The following TMIGD3 variants were observed in gnomAD, a reference collection of about 807,000 sequenced individuals.
TMIGD3 encodes the protein transmembrane and immunoglobulin domain containing 3.
TMIGD3 carries 21 observed loss-of-function variants against 28.1 expected under a neutral mutation model. The observed-to-expected ratio is 0.75, with a 90% CI of 0.53 to 1.08. TMIGD3 has a LOEUF of 1.08. TMIGD3 is among the 50% of genes least tolerant of loss of function. TMIGD3 has a pLI of 0.00. For synonymous variants in TMIGD3, 151 were observed against 162.1 expected (o/e 0.93, Z 0.52); for missense variants, 416 against 435.6 (o/e 0.96, Z 0.40).
intron 1 of TMIGD3, among the ~76,000 whole-genome samples, chr1:111,502,054 A>ATAAATATATAGGATATATATAT (rs1655210139): frequency 7.1e-6 from 1 of 140,360 alleles, no homozygotes; most frequent in African/African-American, 2.6e-5. Context: ...ATTTAATATA[A>ATAAATATATAGGATATATATAT]TAAATATATA....
At chr1:111,490,927 C>T (rs889871316) in intron 1 of TMIGD3, among the ~76,000 whole-genome samples, 165 bp from the exon 2 acceptor site, 2 of 152,204 alleles carry the variant, frequency 1.3e-5, no homozygotes, top group Admixed American at 6.5e-5. Context: ...AACTTACTGA[C>T]GGGGCAACCA....
intron 1 of TMIGD3, among the ~76,000 whole-genome samples, chr1:111,555,023 A>G (rs1657424139): frequency 6.6e-6 from 1 of 152,130 alleles, no homozygotes; most frequent in Non-Finnish European, 1.5e-5. Flanking sequence ...CACATTTAAA[A>G]GTAAGAGAAC....
intron 2 of TMIGD3, chr1:111,490,425 G>A (rs528927848): frequency 1.8e-6 from 1 of 549,646 alleles, no homozygotes; most frequent in Non-Finnish European, 3.2e-6. Flanking sequence ...AGTGAGTGCA[G>A]AGTCATCATT....
chr1:111,524,755 G>A (rs1036920628), intron 1 of TMIGD3, among the ~76,000 whole-genome samples: 4 of 152,098 alleles, frequency 2.6e-5, no homozygotes, highest in Non-Finnish European at 5.9e-5. Context: ...GAGTAGCTGG[G>A]ATTACAGGTG....
upstream of TMIGD3, among the ~76,000 whole-genome samples, chr1:111,506,265 T>C (rs944796213): frequency 2.6e-5 from 4 of 152,224 alleles, no homozygotes; most frequent in African/African-American, 9.7e-5. Flanking sequence ...GCTCAGTACA[T>C]TTTTGATGAA....
intron 1 of TMIGD3, among the ~76,000 whole-genome samples, chr1:111,550,470 T>C (rs552167041): frequency 6.6e-6 from 1 of 152,230 alleles, no homozygotes; most frequent in Non-Finnish European, 1.5e-5. Context: ...TTCAACTAAC[T>C]GTAAATTTCC....
chr1:111,547,760 G>A (rs1657088664), intron 1 of TMIGD3, among the ~76,000 whole-genome samples: 1 of 152,180 alleles, frequency 6.6e-6, no homozygotes, highest in Non-Finnish European at 1.5e-5. Flanking sequence ...TCACAAAATT[G>A]ACCTTGTTTG....
intron 1 of TMIGD3, among the ~76,000 whole-genome samples, chr1:111,543,134 A>G (rs1656905474): frequency 6.6e-6 from 1 of 152,194 alleles, no homozygotes; most frequent in South Asian, 2.1e-4. Context: ...ACACAGAGAG[A>G]CACACACACA....
At chr1:111,525,397 G>T (rs564386824) in intron 1 of TMIGD3, among the ~76,000 whole-genome samples, 1 of 152,210 alleles carries the variant, frequency 6.6e-6, no homozygotes, top group East Asian at 1.9e-4. Flanking sequence ...TTGATGAATT[G>T]TCCTTTTTAT....
intron 1 of TMIGD3, among the ~76,000 whole-genome samples, chr1:111,496,884 C>G (rs1481267886): frequency 6.6e-6 from 1 of 152,126 alleles, no homozygotes; most frequent in African/African-American, 2.4e-5. Context: ...CTACTTTTTT[C>G]CCCAGTTGTC....
chr1:111,532,003 A>G (rs184786522), intron 1 of TMIGD3, among the ~76,000 whole-genome samples: 1 of 152,358 alleles, frequency 6.6e-6, no homozygotes, highest in African/African-American at 2.4e-5. Context: ...AATTTGTCCT[A>G]CCACTGAGAC....
rs187360373 is a variant in TMIGD3 at position 111,514,665 on chromosome 1, C to T, written c.108-23903G>A. On this transcript the variant is annotated intron_variant, in intron 1 of 5. Coordinates refer to the TMIGD3 transcript ENST00000369717. ...GGGAACACACACACACACACACACACACATCATACCATGCTGCCTCCCTTA... is the reference window on the plus strand; with the variant it reads ...GGGAACACACACACACACACACACATACATCATACCATGCTGCCTCCCTTA... Among the ~76,000 whole-genome samples, 565 of 151,860 alleles carry T rather than the reference C, an allele frequency of 3.7e-3. 5 individuals carry two copies. The highest frequency in any genetic ancestry group is 4.2e-3 in the Non-Finnish European group (282 of 67,910).
chr1:111,518,416 G>A (rs1227345521), intron 1 of TMIGD3, among the ~76,000 whole-genome samples: 5 of 152,222 alleles, frequency 3.3e-5, no homozygotes, highest in Non-Finnish European at 5.9e-5. Flanking sequence ...ACTGTAGGAT[G>A]TTTAGCAGTA....
intron 1 of TMIGD3, among the ~76,000 whole-genome samples, chr1:111,531,339 A>G (rs1656453909): frequency 6.6e-6 from 1 of 151,724 alleles, no homozygotes; most frequent in African/African-American, 2.4e-5. Flanking sequence ...ATTTGGTATC[A>G]TTTGTATTGC....
Position 111,488,798 on chromosome 1 carries a change from C to G in TMIGD3, c.684G>C (p.Glu228Asp). The G allele has an allele frequency of 6.2e-7, 1 of 1,614,184 alleles. No individual in the cohort carries two copies. The highest frequency in any genetic ancestry group is 8.5e-7 in the Non-Finnish European group (1 of 1,180,026). The stretch of plus-strand genomic sequence containing the variant: ...TGCCACACCAGTACCAGCCCGTGTC[C>G]TCTTTGGTCAGGCAGGACATAGTGA... ...LIVTMSCLTKEDTGWYWCGIQ... is the reference protein window; with the variant it reads ...LIVTMSCLTKDDTGWYWCGIQ... The change falls in exon 3 of 6, where the codon GAG becomes GAC. Residue 228 changes from glutamate (E) to aspartate (D), a missense_variant. Transcript: ENST00000369716.
chr1:111,515,051 C>T (rs898893241), intron 1 of TMIGD3, among the ~76,000 whole-genome samples: 1 of 152,216 alleles, frequency 6.6e-6, no homozygotes, highest in Non-Finnish European at 1.5e-5. Context: ...CCTGGAACCC[C>T]ACATTGAATC....
intron 4 of TMIGD3, 83 bp downstream of exon 4, chr1:111,486,503 T>G: frequency 9.8e-7 from 1 of 1,018,568 alleles, no homozygotes; most frequent in South Asian, 1.3e-5. Flanking sequence ...GCAAATCAAC[T>G]GTCATATCAT....
chr1:111,508,193 C>T (rs1655576533), upstream of TMIGD3, among the ~76,000 whole-genome samples: 1 of 152,222 alleles, frequency 6.6e-6, no homozygotes, highest in Non-Finnish European at 1.5e-5. Flanking sequence ...CCACCAGACC[C>T]CCCCACCCAC....
Position 111,486,653 on chromosome 1 carries a change from C to T in TMIGD3, c.806-1G>A. ...CTTCTGGTTTTGTTGCCTGATAGGT[C>T]TGAATCAGAAAGGATTTGTTAAGTC... On this transcript the variant is annotated splice_acceptor_variant, in intron 3 of 5. Transcript: ENST00000369716. LOFTEE classifies it high-confidence loss of function. The T allele has an allele frequency of 6.2e-7, 1 of 1,613,820 alleles. No individual in the cohort carries two copies. The highest frequency in any genetic ancestry group is 8.5e-7 in the Non-Finnish European group (1 of 1,179,890).
Sources: gnomAD v4.1 joint callset for allele counts (sites outside exome capture counted in the v4.1 genomes callset) on GRCh38, gnomAD v4.1.1 for gene constraint, MANE v1.5 for transcripts, NCBI Gene and HGNC (gene_info 2026-07-23, HGNC 2026-07-21) for gene names.